The following RUNX1 variants were observed in gnomAD, a reference collection of about 807,000 sequenced individuals.
RUNX1 encodes the protein RUNX family transcription factor 1.
In RUNX1, 19 loss-of-function variants were observed where a neutral mutation model predicts 42.8. The observed-to-expected ratio is 0.44, with a 90% CI of 0.31 to 0.65. The LOEUF (loss-of-function observed/expected upper bound fraction) is 0.65, where lower values mean the gene tolerates loss of function less well. Ranked by LOEUF, RUNX1 falls within the 30% of genes least tolerant of loss-of-function variation. The probability of loss-of-function intolerance (pLI) is 0.07; values close to 1 mark genes in which losing one functional copy is unlikely to be tolerated. For missense variants in RUNX1, 528 were observed against 672.0 expected (o/e 0.79, Z 2.37); for synonymous variants, 271 against 289.4 (o/e 0.94, Z 0.64).
At chr21:34,938,051 A>G (rs2058499544) in intron 2 of RUNX1, among the ~76,000 whole-genome samples, 1 of 152,212 alleles carries the variant, frequency 6.6e-6, no homozygotes, top group Non-Finnish European at 1.5e-5. Flanking sequence ...CCATTTAGTG[A>G]CATGTATGGG....
chr21:34,861,952 C>T (rs2057582844), intron 5 of RUNX1, among the ~76,000 whole-genome samples: 1 of 151,810 alleles, frequency 6.6e-6, no homozygotes, highest in Non-Finnish European at 1.5e-5. Context: ...TTTCTATATA[C>T]CCATGTAGCC....
At chr21:34,937,124 C>T (rs541995295) in intron 2 of RUNX1, among the ~76,000 whole-genome samples, 1 of 152,220 alleles carries the variant, frequency 6.6e-6, no homozygotes, top group Admixed American at 6.5e-5. Context: ...ATCTTTGTCA[C>T]CTGTCACCTA....
chr21:35,046,919 C>G (rs1004889047), intron 2 of RUNX1, among the ~76,000 whole-genome samples: 5 of 152,060 alleles, frequency 3.3e-5, no homozygotes, highest in African/African-American at 1.2e-4. Context: ...GAAAGCTAAC[C>G]GACCCTTGTT....
intron 6 of RUNX1, among the ~76,000 whole-genome samples, chr21:34,844,490 G>A (rs920490733): frequency 2.6e-5 from 4 of 152,174 alleles, no homozygotes; most frequent in Non-Finnish European, 5.9e-5. Flanking sequence ...ATACATAATG[G>A]GCAGAGACAC....
chr21:34,962,464 C>T (rs549190627), intron 2 of RUNX1, among the ~76,000 whole-genome samples: 1 of 152,292 alleles, frequency 6.6e-6, no homozygotes, highest in Non-Finnish European at 1.5e-5. Flanking sequence ...GATAATATCA[C>T]CAAACAGCCA....
chr21:34,887,032 C>A lies in RUNX1; in HGVS notation c.162G>T (p.Glu54Asp). ...STALSPGKMS[E>D]ALPLGAPDAG... ...CGTCCGGGGCGCCCAGCGGCAACGC[C>A]TCGCTCATCTTGCCTGGGCTCAGCG... Residue 54 changes from glutamate to aspartate, a missense_variant, in exon 4 of 9, where the codon GAG (glutamate) becomes GAT (aspartate). Transcript: ENST00000675419. 1 of 1,601,618 alleles carries A rather than the reference C, an allele frequency of 6.2e-7. No individual in the cohort carries two copies. The highest frequency in any genetic ancestry group is 8.5e-7 in the Non-Finnish European group (1 of 1,179,232).
chr21:34,849,350 GTA>G lies in RUNX1; in HGVS notation c.613+10122_613+10123del, dbSNP rs766276545. ...ATATATACTATATATATTATATATA[GTA>G]TATATAATATATTATATATACTATA... is the stretch of plus-strand genomic sequence containing the variant. On this transcript the variant is annotated intron_variant, in intron 6 of 8. Transcript: ENST00000675419. 5.2e-3 allele frequency among the ~76,000 whole-genome samples: 155 copies of G among 29,936 alleles called. 13 individuals carry two copies. Among genetic ancestry groups the G allele is most frequent in the African/African-American group, 0.017 (149 of 9,026 alleles). 19.6% of individuals were successfully genotyped at this position (29,936 alleles called of 152,430 possible). A position where few individuals can be genotyped will look rare whatever the true frequency, so the allele number is the denominator to read the frequency against.
rs568260832 is a variant in RUNX1, at chr21:34,813,719, TG to T, written c.806-14258del. On this transcript the variant is annotated intron_variant, in intron 7 of 8. Transcript: ENST00000675419. ...TAGCACTTGCCTCTCCTGGGCTTCC[TG>T]GGCATGAGTCACATGTAACTAGATA... 1.3e-3 allele frequency among the ~76,000 whole-genome samples: 193 copies of T among 152,202 alleles called. 1 individual carries two copies. Among genetic ancestry groups the T allele is most frequent in the Non-Finnish European group, 1.7e-3 (114 of 68,008 alleles).
chr21:34,873,176 C>G (rs1224404678), intron 5 of RUNX1, among the ~76,000 whole-genome samples: 2 of 152,194 alleles, frequency 1.3e-5, no homozygotes, highest in African/African-American at 2.4e-5. Context: ...GACCCCAACC[C>G]AATGCCTTGA....
At chr21:34,834,318 T>G in intron 7 of RUNX1, 92 bp downstream of exon 7, 13 of 1,257,398 alleles carry the variant, frequency 1.0e-5, no homozygotes, top group African/African-American at 1.5e-5. Context: ...GAAACCCCAG[T>G]TGGTCTGGGA....
At chr21:34,849,315 T>TA (rs1443590330) in intron 6 of RUNX1, among the ~76,000 whole-genome samples, 1 of 35,066 alleles carries the variant, frequency 2.9e-5, no homozygotes, top group African/African-American at 1.0e-4. Flanking sequence ...ATATATATTA[T>TA]ATATATATTA....
chr21:34,995,927 T>A (rs2058991833), intron 2 of RUNX1, among the ~76,000 whole-genome samples: 3 of 152,364 alleles, frequency 2.0e-5, no homozygotes, highest in South Asian at 4.1e-4. Flanking sequence ...CGTGTTTCTT[T>A]TTATACTTGG....
chr21:34,996,230 G>C (rs927427921), intron 2 of RUNX1, among the ~76,000 whole-genome samples: 1 of 152,066 alleles, frequency 6.6e-6, no homozygotes. Flanking sequence ...CCAGGCTTGA[G>C]TTTTGTATAT....
In RUNX1 at chr21:34,791,272, C is replaced by A. The variant is rs2056430162; in HGVS notation, c.*863G>T. The A allele has an allele frequency of 4.3e-6, 1 of 232,278 alleles. No individual in the cohort carries two copies. The highest frequency in any genetic ancestry group is 1.8e-4 in the South Asian group (1 of 5,510). The allele number at this position is 232,278 out of a possible 1,614,324, so 14.4% of individuals were successfully genotyped here. On this transcript the variant is annotated 3_prime_UTR_variant, in exon 9 of 9. Transcript: ENST00000675419. ...ATTTAACTTTGGCTACTATCAAGAA[C>A]AAAAGAAAATGTAGTACTTGATATT...
rs886057032 is a variant in RUNX1 at position 34,788,906 on chromosome 21, G to A, written c.*3229C>T. 13 of 233,186 alleles carry A rather than the reference G, an allele frequency of 5.6e-5. No homozygotes were observed. The highest frequency in any genetic ancestry group is 8.8e-5 in the African/African-American group (4 of 45,348). 14.4% of individuals were successfully genotyped at this position (233,186 alleles called of 1,614,324 possible). ...AAAATAAAAATCATCAGGACGGAAT[G>A]TCCCAAAGAAACAGGTATTTCAAGG... On this transcript the variant is annotated 3_prime_UTR_variant, in exon 9 of 9. Transcript: ENST00000675419.
Position 35,022,632 on chromosome 21 carries a change from G to A in RUNX1, c.58+26210C>T, listed in dbSNP as rs145501412. Among the ~76,000 whole-genome samples the A allele has an allele frequency of 4.7e-3, 721 of 152,202 alleles. 3 individuals carry two copies. The highest frequency in any genetic ancestry group is 0.016 in the African/African-American group (680 of 41,528). On this transcript the variant is annotated intron_variant, in intron 2 of 8. Coordinates refer to ENST00000675419, the MANE Select transcript of RUNX1 (RefSeq NM_001754.5). ...GGCAGAGGCTGGGCGCTGTAGCTCA[G>A]GCCTGTAATCCCAGCACTTTGGGAG... is the stretch of plus-strand genomic sequence containing the variant.
At position 34,789,647 on chromosome 21, in the gene RUNX1, G is replaced by A. The variant is rs903164130; in HGVS notation, c.*2488C>T. 1.8e-4 allele frequency: 43 copies of A among 233,120 alleles called. No individual in the cohort carries two copies. Among genetic ancestry groups the A allele is most frequent in the African/African-American group, 9.0e-4 (41 of 45,306 alleles). The allele number at this position is 233,120 out of a possible 1,614,324, so 14.4% of individuals were successfully genotyped here. On this transcript the variant is annotated 3_prime_UTR_variant, in exon 9 of 9. Coordinates refer to ENST00000675419, the MANE Select transcript of RUNX1 (RefSeq NM_001754.5). ...AAAAATGTGTTGCGTGAGACCTATC[G>A]CCAAAACAACTACAGTTTGATTTTT... is the stretch of plus-strand genomic sequence containing the variant.
intron 3 of RUNX1, chr21:34,889,657 G>A (rs996718162): frequency 1.8e-6 from 2 of 1,125,746 alleles, no homozygotes; most frequent in Non-Finnish European, 2.2e-6. Context: ...CGCTCGAGCG[G>A]CCCCAGGTGC....
intron 2 of RUNX1, among the ~76,000 whole-genome samples, chr21:34,986,804 T>G (rs1329089774): frequency 6.6e-6 from 1 of 152,048 alleles, no homozygotes; most frequent in Non-Finnish European, 1.5e-5. Context: ...ATCTTGGAAT[T>G]CTAGCCTCTA....
Sources: allele counts gnomAD v4.1 joint callset (sites outside exome capture counted in the v4.1 genomes callset), GRCh38; gene constraint gnomAD v4.1.1; transcripts MANE v1.5; gene names NCBI Gene and HGNC (gene_info 2026-07-23, HGNC 2026-07-21).